Variants in TTC7A observed in about 807,000 individuals in gnomAD.
TTC7A encodes the protein tetratricopeptide repeat protein 7A.
Under a neutral mutation model 103.7 loss-of-function variants are expected in TTC7A, and 110 were observed. The observed-to-expected ratio is 1.06, with a 90% CI of 0.91 to 1.24. TTC7A has a LOEUF of 1.24. TTC7A is among the 50% of genes most tolerant of loss of function. The pLI, the probability that TTC7A is intolerant of heterozygous loss-of-function variation, is 0.00. For synonymous variants in TTC7A, 521 were observed against 467.9 expected (o/e 1.11, Z -1.47); for missense variants, 1,340 against 1,116.3 (o/e 1.20, Z -2.86).
chr2:47,037,252 A>G (rs1040349227), intron 15 of TTC7A, among the ~76,000 whole-genome samples: 3 of 152,230 alleles, frequency 2.0e-5, no homozygotes, highest in African/African-American at 7.2e-5. Context: ...CCTTTGGAGC[A>G]GAGACTGGCC....
chr2:47,026,976 C>T (rs140261182), intron 14 of TTC7A, among the ~76,000 whole-genome samples: 1 of 152,156 alleles, frequency 6.6e-6, no homozygotes, highest in Non-Finnish European at 1.5e-5. Flanking sequence ...TCCACATCAC[C>T]GCGTGAACAT....
At chr2:46,954,860 C>A (rs955164916) in intron 2 of TTC7A, among the ~76,000 whole-genome samples, 1 of 152,144 alleles carries the variant, frequency 6.6e-6, no homozygotes, top group Admixed American at 6.5e-5. Flanking sequence ...CGTGAGCCAC[C>A]GTACCCGGCC....
At chr2:47,052,706 T>G (rs1042773048) in intron 18 of TTC7A, among the ~76,000 whole-genome samples, 15 of 152,038 alleles carry the variant, frequency 9.9e-5, no homozygotes, top group Non-Finnish European at 4.4e-5. Context: ...TGAAATAAAA[T>G]GGCAGCAGAA....
At chr2:46,988,375 C>G (rs748008730) in intron 5 of TTC7A, among the ~76,000 whole-genome samples, 1 of 152,204 alleles carries the variant, frequency 6.6e-6, no homozygotes, top group East Asian at 1.9e-4. Flanking sequence ...TGAACTTCAC[C>G]TGACCTTGTC....
rs577262978 is a variant in TTC7A at position 46,918,303 on chromosome 2, A to C, written c.82+1026A>C. 2.0e-5 allele frequency among the ~76,000 whole-genome samples: 3 copies of C among 152,336 alleles called. No homozygotes were observed. In the South Asian group the frequency reaches 6.2e-4, roughly 32 times the overall value. On this transcript the variant is annotated intron_variant, in intron 2 of 20. Coordinates refer to the TTC7A transcript ENST00000409245. ...TCATCCCTTTACCTTTAAATCCTTC[A>C]GCAAAGCCTGTTGATGCTATCAAAA...
intron 19 of TTC7A, among the ~76,000 whole-genome samples, chr2:47,063,447 T>C (rs1420417022): frequency 2.6e-5 from 4 of 152,254 alleles, no homozygotes; most frequent in Non-Finnish European, 4.4e-5. Flanking sequence ...TGGAATCTTT[T>C]TCAACGTGAA....
intron 18 of TTC7A, chr2:47,053,946 C>G (rs920964702): frequency 1.1e-5 from 2 of 177,490 alleles, no homozygotes; most frequent in African/African-American, 4.8e-5. Flanking sequence ...TTGCTTTATA[C>G]TAGGGATGTT....
chr2:46,941,613 C>T lies in TTC7A; in HGVS notation c.72C>T (p.Gly24=), dbSNP rs1285308798. ...ESELERCRAE[G]HWDRMPELVR... is the part of the protein sequence containing the mutation. Reference sequence around the variant, plus strand: ...AGCTGGAGCGCTGCCGCGCCGAGGGCCACTGGGACCGCATGCCGGAGCTGG... The same window carrying T: ...AGCTGGAGCGCTGCCGCGCCGAGGGTCACTGGGACCGCATGCCGGAGCTGG... Residue 24 remains glycine (G), a synonymous_variant, in exon 1 of 20, where the codon GGC becomes GGT. Coordinates refer to ENST00000319190, the MANE Select transcript of TTC7A (RefSeq NM_020458.4). This position sits in a 1 kb window ranked among gnomAD's most constrained non-coding sequence, Gnocchi z 4.2. 6.4e-7 allele frequency: 1 copy of T among 1,556,376 alleles called. No individual in the cohort carries two copies. Among genetic ancestry groups the T allele is most frequent in the South Asian group, 1.2e-5 (1 of 84,408 alleles).
chr2:47,051,903 C>T (rs756408478), intron 18 of TTC7A, 23 bp downstream of exon 18: 5 of 1,579,048 alleles, frequency 3.2e-6, no homozygotes, highest in African/African-American at 3.1e-5. Flanking sequence ...GTCCCAGTGA[C>T]ACACACAGCC....
At chr2:46,983,155 G>T (rs1247701036) in intron 5 of TTC7A, among the ~76,000 whole-genome samples, 2 of 152,164 alleles carry the variant, frequency 1.3e-5, no homozygotes, top group East Asian at 1.9e-4. Flanking sequence ...GGAGGTGGTG[G>T]TGTCTCTGTT....
intron 3 of TTC7A, chr2:46,958,489 T>C (rs1300768025): frequency 1.5e-6 from 2 of 1,304,114 alleles, no homozygotes; most frequent in Admixed American, 4.6e-5. Context: ...TCTCTCCTCT[T>C]TCCAGCATGC....
At chr2:46,927,475 A>T (rs1335016008) in intron 2 of TTC7A, among the ~76,000 whole-genome samples, 1 of 151,030 alleles carries the variant, frequency 6.6e-6, no homozygotes, top group African/African-American at 2.4e-5. Flanking sequence ...TCCCACCTCA[A>T]CCTCCAGAGT....
At chr2:46,966,005 A>C (rs1272593718) in intron 3 of TTC7A, among the ~76,000 whole-genome samples, 1 of 152,024 alleles carries the variant, frequency 6.6e-6, no homozygotes, top group Non-Finnish European at 1.5e-5. Flanking sequence ...GCTAGAGTGC[A>C]ATGGCACGAT....
At chr2:47,058,973 G>A (rs940191258) in intron 18 of TTC7A, among the ~76,000 whole-genome samples, 2 of 147,850 alleles carry the variant, frequency 1.4e-5, no homozygotes, top group Non-Finnish European at 3.0e-5. Flanking sequence ...CTTTCTCAGT[G>A]AGGGAATGGA....
intron 5 of TTC7A, among the ~76,000 whole-genome samples, chr2:46,981,773 G>T (rs780197311): frequency 6.6e-6 from 1 of 152,220 alleles, no homozygotes; most frequent in East Asian, 1.9e-4. Context: ...TTTCCATCTA[G>T]CAGGTATCCC....
chr2:46,978,688 T>C, intron 4 of TTC7A, 104 bp from the exon 5 acceptor site: 1 of 800,680 alleles, frequency 1.2e-6, no homozygotes, highest in South Asian at 1.6e-5. Flanking sequence ...AATGTGCCCC[T>C]GAACAACTGG....
chr2:46,976,699 A>C (rs937904224), intron 4 of TTC7A, among the ~76,000 whole-genome samples: 3 of 152,232 alleles, frequency 2.0e-5, no homozygotes, highest in Non-Finnish European at 4.4e-5. Context: ...TGTATATTAT[A>C]GGATGTTCAG....
chr2:47,021,762 G>A (rs1397603051), intron 11 of TTC7A, 100 bp from the exon 12 acceptor site: 3 of 914,696 alleles, frequency 3.3e-6, no homozygotes, highest in Non-Finnish European at 3.5e-6. Flanking sequence ...CTGTGACCTT[G>A]AGCACAAGGC....
chr2:47,047,558 C>G (rs1682450957), intron 16 of TTC7A, among the ~76,000 whole-genome samples: 1 of 152,250 alleles, frequency 6.6e-6, no homozygotes, highest in Admixed American at 6.5e-5. Flanking sequence ...GCCTTGTTTT[C>G]CTGCTCACTG....
Sources: allele counts gnomAD v4.1 joint callset (sites outside exome capture counted in the v4.1 genomes callset), GRCh38; gene constraint gnomAD v4.1.1; non-coding constraint Gnocchi (gnomAD v3.1); transcripts MANE v1.5; gene names NCBI Gene and HGNC (gene_info 2026-07-23, HGNC 2026-07-21).